EXOC4: variants seen among roughly 807,000 people sequenced by gnomAD.
EXOC4 encodes exocyst complex component 4.
In EXOC4, 71 loss-of-function variants were observed where a neutral mutation model predicts 107.2. The observed-to-expected ratio is 0.66, with a 90% CI of 0.55 to 0.81. The LOEUF (loss-of-function observed/expected upper bound fraction) is 0.81. Among genes scored for constraint, EXOC4 ranks in the 30% least tolerant of loss-of-function variants. The probability of loss-of-function intolerance (pLI) is 0.00; values close to 1 mark genes in which losing one functional copy is unlikely to be tolerated. For missense variants in EXOC4, 1,108 were observed against 1,189.6 expected (o/e 0.93, Z 1.01); for synonymous variants, 456 against 441.2 (o/e 1.03, Z -0.42).
At chr7:133,296,683 A>G (rs1045058439) in intron 3 of EXOC4, among the ~76,000 whole-genome samples, 1 of 151,736 alleles carries the variant, frequency 6.6e-6, no homozygotes, top group Non-Finnish European at 1.5e-5. Flanking sequence ...TGGTTATTGT[A>G]TTAGTTTTCC....
chr7:133,377,668 A>T (rs1796519602), intron 7 of EXOC4, among the ~76,000 whole-genome samples: 2 of 152,226 alleles, frequency 1.3e-5, no homozygotes, highest in Admixed American at 6.5e-5. Context: ...AAACCCACAG[A>T]TGCAAGAAAC....
intron 17 of EXOC4, among the ~76,000 whole-genome samples, chr7:134,023,551 G>C (rs375385168): frequency 6.6e-6 from 1 of 151,818 alleles, no homozygotes. Context: ...GTATGTTTAC[G>C]AATTAACTTT....
chr7:133,945,621 G>A (rs551785153), intron 14 of EXOC4, among the ~76,000 whole-genome samples: 1 of 152,214 alleles, frequency 6.6e-6, no homozygotes, highest in African/African-American at 2.4e-5. Flanking sequence ...ACAAAAGGCT[G>A]CAATTGCCAA....
At chr7:133,254,622 G>T (rs7777427) in intron 1 of EXOC4, among the ~76,000 whole-genome samples, 26,065 of 152,138 alleles carry the variant, frequency 0.17, 5,061 homozygotes, top group African/African-American at 0.47. Context: ...ATTACATATT[G>T]AATAATATTT....
chr7:133,961,857 G>C (rs1160304819), intron 14 of EXOC4, among the ~76,000 whole-genome samples: 1 of 152,204 alleles, frequency 6.6e-6, no homozygotes, highest in Non-Finnish European at 1.5e-5. Context: ...GTTGGCATTT[G>C]TAGAACACCA....
chr7:133,932,404 A>G (rs1800198700), intron 13 of EXOC4, among the ~76,000 whole-genome samples: 1 of 152,066 alleles, frequency 6.6e-6, no homozygotes, highest in South Asian at 2.1e-4. Flanking sequence ...CTCACTTCTT[A>G]TTTGTTCCCT....
At chr7:133,784,223 A>G (rs1436156394) in intron 10 of EXOC4, among the ~76,000 whole-genome samples, 1 of 152,162 alleles carries the variant, frequency 6.6e-6, no homozygotes, top group African/African-American at 2.4e-5. Flanking sequence ...AAATGCTTGT[A>G]ATAGTGCATA....
At chr7:133,907,386 T>C (rs1304852744) in intron 12 of EXOC4, among the ~76,000 whole-genome samples, 2 of 151,600 alleles carry the variant, frequency 1.3e-5, no homozygotes, top group Non-Finnish European at 2.9e-5. Context: ...AAAAAAAATA[T>C]TGTTTTTCAA....
intron 10 of EXOC4, among the ~76,000 whole-genome samples, chr7:133,781,209 A>C (rs1796459365): frequency 6.6e-6 from 1 of 152,256 alleles, no homozygotes; most frequent in Admixed American, 6.5e-5. Flanking sequence ...TTTGTGAAGA[A>C]GGCTTTTGGA....
chr7:133,454,588 C>T (rs563740259), intron 7 of EXOC4, among the ~76,000 whole-genome samples: 9 of 152,334 alleles, frequency 5.9e-5, no homozygotes, highest in East Asian at 1.9e-4. Flanking sequence ...TGAGCCACCA[C>T]GCCTGACCAC....
At chr7:133,346,463 A>G (rs1456287484) in intron 5 of EXOC4, among the ~76,000 whole-genome samples, 2 of 152,132 alleles carry the variant, frequency 1.3e-5, no homozygotes, top group Non-Finnish European at 2.9e-5. Context: ...ACATTTTTAA[A>G]TTTAATTATA....
chr7:133,951,910 A>G (rs1159346077), intron 14 of EXOC4, among the ~76,000 whole-genome samples: 3 of 152,178 alleles, frequency 2.0e-5, no homozygotes, highest in African/African-American at 7.2e-5. Flanking sequence ...CCTGAATCCT[A>G]CCACTCTGGG....
chr7:133,855,066 TATCTAAATATATCTAAATATATATAA>T, intron 11 of EXOC4, among the ~76,000 whole-genome samples: 1 of 75,414 alleles, frequency 1.3e-5, no homozygotes, highest in African/African-American at 1.0e-4. Context: ...TATCTAAATA[TATCTAAATATATCTAAATATATATAA>T]ATATATATAT....
chr7:133,559,757 C>T (rs1011016706), intron 9 of EXOC4, among the ~76,000 whole-genome samples: 6 of 152,130 alleles, frequency 3.9e-5, no homozygotes, highest in African/African-American at 7.2e-5. Context: ...TTTCATATAT[C>T]GGCTTCATTG....
intron 10 of EXOC4, among the ~76,000 whole-genome samples, chr7:133,794,409 A>T (rs1796770437): frequency 1.3e-5 from 2 of 152,186 alleles, no homozygotes; most frequent in African/African-American, 4.8e-5. Context: ...TCCCAGTAAC[A>T]TGGAGGCTAC....
chr7:133,965,886 A>C (rs971120807), intron 14 of EXOC4, among the ~76,000 whole-genome samples: 1 of 152,182 alleles, frequency 6.6e-6, no homozygotes, highest in Non-Finnish European at 1.5e-5. Flanking sequence ...TTTGATGAGG[A>C]TAGCATTGAA....
At chr7:133,500,627 A>G (rs562532277) in intron 9 of EXOC4, among the ~76,000 whole-genome samples, 8 of 152,294 alleles carry the variant, frequency 5.3e-5, no homozygotes, top group African/African-American at 1.9e-4. Context: ...TGTGTGGGAC[A>G]GTATTCCCTG....
rs572294149 is a variant in EXOC4 at position 133,648,051 on chromosome 7, G to A, written c.1514+17910G>A. On this transcript the variant is annotated intron_variant, in intron 10 of 17. Coordinates refer to ENST00000253861, the MANE Select transcript of EXOC4 (RefSeq NM_021807.4). ...GGGCCAATTTAGAAGAAAACATTAT[G>A]TATTTAATGGGCTAATATAGGTCTA... Among the ~76,000 whole-genome samples, 8 of 152,274 alleles carry A rather than the reference G, an allele frequency of 5.3e-5. No homozygotes were observed. The East Asian group carries it at 1.5e-3, about 29-fold the overall frequency.
At chr7:133,616,426 T>C (rs1802196561) in intron 9 of EXOC4, among the ~76,000 whole-genome samples, 1 of 152,162 alleles carries the variant, frequency 6.6e-6, no homozygotes, top group African/African-American at 2.4e-5. Flanking sequence ...AATGAAATAA[T>C]TGTGTTTCCC....
Sources: allele counts gnomAD v4.1 joint callset (sites outside exome capture counted in the v4.1 genomes callset), GRCh38; gene constraint gnomAD v4.1.1; transcripts MANE v1.5; gene names NCBI Gene and HGNC (gene_info 2026-07-23, HGNC 2026-07-21).